The following GRID2 variants were observed in gnomAD, a reference collection of about 807,000 sequenced individuals.
GRID2 encodes the protein glutamate ionotropic receptor delta type subunit 2, also known as glutamate receptor ionotropic, delta-2.
In GRID2, 33 loss-of-function variants were observed where a neutral mutation model predicts 114.8. The observed-to-expected ratio is 0.29, with a 90% CI of 0.22 to 0.38. The LOEUF (loss-of-function observed/expected upper bound fraction) is 0.38, where lower values mean the gene tolerates loss of function less well. Among genes scored for constraint, GRID2 ranks in the 10% least tolerant of loss-of-function variants. The pLI, the probability that GRID2 is intolerant of heterozygous loss-of-function variation, is 1.00. For missense variants in GRID2, 1,184 were observed against 1,257.7 expected (o/e 0.94, Z 0.89); for synonymous variants, 505 against 449.9 (o/e 1.12, Z -1.55).
intron 13 of GRID2, among the ~76,000 whole-genome samples, chr4:93,592,404 G>T (rs984276488): frequency 3.3e-5 from 5 of 152,160 alleles, no homozygotes; most frequent in Admixed American, 2.6e-4. Flanking sequence ...TAATTTGATT[G>T]CACTGTGGTC....
intron 4 of GRID2, among the ~76,000 whole-genome samples, chr4:93,120,295 C>T (rs183112310): frequency 5.9e-4 from 90 of 152,252 alleles, no homozygotes; most frequent in African/African-American, 1.9e-3. Context: ...CACATGCACA[C>T]GGATGTTTCT....
Position 92,477,648 on chromosome 4 carries a change from A to AAT in GRID2, c.89-112472_89-112471dup, listed in dbSNP as rs1330073513. On this transcript the variant is annotated intron_variant, in intron 1 of 15. Transcript: ENST00000282020. ...AAATACCCTGGCTATATTTGGTTTT[A>AAT]ATATATATATATTTTAAAGAGATAA... 6.6e-5 allele frequency among the ~76,000 whole-genome samples: 10 copies of AAT among 151,060 alleles called. No homozygotes were observed. In the East Asian group the frequency reaches 7.7e-4, roughly 12 times the overall value.
intron 2 of GRID2, among the ~76,000 whole-genome samples, chr4:92,941,474 T>A (rs951808523): frequency 6.6e-6 from 1 of 152,202 alleles, no homozygotes; most frequent in Non-Finnish European, 1.5e-5. Flanking sequence ...TCTTTATTAG[T>A]CTTGCTAGTG....
At position 92,908,561 on chromosome 4, in the gene GRID2, C is replaced by CAAAAAA. The variant is rs762037449; in HGVS notation, c.245-176420_245-176415dup. Among the ~76,000 whole-genome samples, 19 of 35,910 alleles carry CAAAAAA rather than the reference C, an allele frequency of 5.3e-4. No individual in the cohort carries two copies. The East Asian group carries it at 5.4e-3, about 10-fold the overall frequency. The allele number at this position is 35,910 out of a possible 152,430, so 23.6% of individuals were successfully genotyped here. A position where few individuals can be genotyped will look rare whatever the true frequency, so the allele number is the denominator to read the frequency against. On this transcript the variant is annotated intron_variant, in intron 2 of 15. Coordinates refer to ENST00000282020, the MANE Select transcript of GRID2 (RefSeq NM_001510.4). ...CGGACGACAGAGCAAGACTCCATCT[C>CAAAAAA]AAAAAAAAAAAAAAAAAAAGCAGCC...
intron 10 of GRID2, among the ~76,000 whole-genome samples, chr4:93,429,554 C>T (rs1251360732): frequency 1.3e-5 from 2 of 152,082 alleles, no homozygotes; most frequent in Non-Finnish European, 2.9e-5. Flanking sequence ...TTTACCTGAG[C>T]GTTTCCACCA....
intron 4 of GRID2, among the ~76,000 whole-genome samples, chr4:93,178,640 G>A (rs976104816): frequency 3.3e-5 from 5 of 151,340 alleles, no homozygotes; most frequent in Non-Finnish European, 7.4e-5. Flanking sequence ...CTCCTGCCTC[G>A]GCCTCCCAAA....
chr4:93,768,678 G>A (rs978006864), intron 14 of GRID2, among the ~76,000 whole-genome samples: 1 of 152,164 alleles, frequency 6.6e-6, no homozygotes, highest in Non-Finnish European at 1.5e-5. Context: ...CTCTCACACT[G>A]TGTTAAATAA....
In GRID2 at chr4:93,163,402, A is replaced by AT. The variant is rs1579161593; in HGVS notation, c.736-44002_736-44001insT. Among the ~76,000 whole-genome samples, 5 of 33,330 alleles carry AT rather than the reference A, an allele frequency of 1.5e-4. No homozygotes were observed. The East Asian group carries it at 2.0e-3, about 13-fold the overall frequency. The allele number at this position is 33,330 out of a possible 152,430, so 21.9% of individuals were successfully genotyped here. A position where few individuals can be genotyped will look rare whatever the true frequency, so the allele number is the denominator to read the frequency against. ...TATATATATATATATATATATATAC[A>AT]CTATATATATACATACATGTATATT... On this transcript the variant is annotated intron_variant, in intron 4 of 15. Transcript: ENST00000282020.
chr4:92,716,350 A>C (rs1043636424), intron 2 of GRID2, among the ~76,000 whole-genome samples: 1 of 152,220 alleles, frequency 6.6e-6, no homozygotes, highest in Non-Finnish European at 1.5e-5. Flanking sequence ...TGACATGCTC[A>C]TGATATCATT....
At chr4:93,032,210 ATTATAAG>A (rs1200898701) in intron 2 of GRID2, among the ~76,000 whole-genome samples, 4 of 152,112 alleles carry the variant, frequency 2.6e-5, no homozygotes, top group Admixed American at 2.6e-4. Flanking sequence ...TTTCATCTCA[ATTATAAG>A]TTATATTTCA....
chr4:92,495,779 G>T (rs1258622365), intron 1 of GRID2, among the ~76,000 whole-genome samples: 4 of 151,836 alleles, frequency 2.6e-5, no homozygotes, highest in African/African-American at 9.7e-5. Flanking sequence ...ATTGTGTAGG[G>T]TGGTCATTTT....
intron 1 of GRID2, among the ~76,000 whole-genome samples, chr4:92,370,944 G>A (rs1729089755): frequency 6.6e-6 from 1 of 152,142 alleles, no homozygotes; most frequent in Non-Finnish European, 1.5e-5. Flanking sequence ...AAGAACACCT[G>A]AATGATAAGA....
intron 9 of GRID2, among the ~76,000 whole-genome samples, chr4:93,396,879 C>A (rs2149331859): frequency 6.6e-6 from 1 of 152,088 alleles, no homozygotes; most frequent in South Asian, 2.1e-4. Context: ...TGTGTTTAAT[C>A]ATGTGCTAGT....
chr4:93,241,256 T>C (rs1747475184), intron 8 of GRID2, among the ~76,000 whole-genome samples: 1 of 151,782 alleles, frequency 6.6e-6, no homozygotes, highest in Non-Finnish European at 1.5e-5. Context: ...TGTAGATTCT[T>C]GTGAATTTTC....
intron 2 of GRID2, among the ~76,000 whole-genome samples, chr4:93,045,217 C>T (rs1055604751): frequency 6.6e-6 from 1 of 152,086 alleles, no homozygotes; most frequent in African/African-American, 2.4e-5. Flanking sequence ...GGCAACCCCG[C>T]AGATAGACAG....
chr4:92,758,642 A>G (rs1445458022), intron 2 of GRID2, among the ~76,000 whole-genome samples: 4 of 152,116 alleles, frequency 2.6e-5, no homozygotes, highest in Non-Finnish European at 5.9e-5. Flanking sequence ...CTTATCAGGA[A>G]AATTAGAATA....
intron 1 of GRID2, among the ~76,000 whole-genome samples, chr4:92,359,871 G>A (rs970932366): frequency 5.3e-5 from 8 of 151,938 alleles, no homozygotes; most frequent in Admixed American, 1.3e-4. Flanking sequence ...TTTAAAATAT[G>A]TGACCTATGA....
chr4:92,441,240 C>G (rs1255035607), intron 1 of GRID2, among the ~76,000 whole-genome samples: 2 of 152,002 alleles, frequency 1.3e-5, no homozygotes, highest in African/African-American at 4.8e-5. Flanking sequence ...GCAGGGAGAG[C>G]ACGTGTGTTT....
chr4:93,270,578 C>T (rs779874373), intron 8 of GRID2, among the ~76,000 whole-genome samples: 32 of 151,950 alleles, frequency 2.1e-4, no homozygotes, highest in Admixed American at 5.2e-4. Flanking sequence ...TCACCTCGAC[C>T]GAGAGAGGAT....
Sources: gnomAD v4.1 joint callset for allele counts (sites outside exome capture counted in the v4.1 genomes callset) on GRCh38, gnomAD v4.1.1 for gene constraint, MANE v1.5 for transcripts, NCBI Gene and HGNC (gene_info 2026-07-23, HGNC 2026-07-21) for gene names.